AVL9: variants seen among roughly 807,000 people sequenced by gnomAD.
The protein encoded by AVL9 is AVL9 cell migration associated, also known as late secretory pathway protein AVL9 homolog.
AVL9 carries 49 observed loss-of-function variants against 79.2 expected under a neutral mutation model. The ratio of observed to expected loss-of-function variants is 0.62; its 90% CI spans 0.49 to 0.79. The LOEUF (loss-of-function observed/expected upper bound fraction) is 0.79. Ranked by LOEUF, AVL9 falls within the 30% of genes least tolerant of loss-of-function variation. The pLI, the probability that AVL9 is intolerant of heterozygous loss-of-function variation, is 0.00. For synonymous variants in AVL9, 299 were observed against 280.6 expected (o/e 1.07, Z -0.65); for missense variants, 682 against 776.8 (o/e 0.88, Z 1.45).
chr7:32,567,546 C>T (rs564006663), intron 10 of AVL9, among the ~76,000 whole-genome samples: 1 of 152,270 alleles, frequency 6.6e-6, no homozygotes, highest in South Asian at 2.1e-4. Context: ...TGCTATCCAG[C>T]AGCCCTCTCC....
At chr7:32,579,294 ATTATATATATT>A (rs1791245659) in intron 13 of AVL9, among the ~76,000 whole-genome samples, 1 of 65,034 alleles carries the variant, frequency 1.5e-5, no homozygotes, top group East Asian at 4.5e-4. Context: ...ATATATATGT[ATTATATATATT>A]ATATATTATA....
Position 32,543,265 on chromosome 7 carries a change from T to C in AVL9, c.214+4T>C, listed in dbSNP as rs989640654. ...GGCGCACACAACTACCAGGAAGGTA[T>C]GTAACAAGACAGTGAAGCAGTTAGG... On this transcript the variant is annotated splice_donor_region_variant and intron_variant, in intron 2 of 15. Transcript: ENST00000318709. The C allele has an allele frequency of 1.2e-6, 2 of 1,613,590 alleles. No individual in the cohort carries two copies. The highest frequency in any genetic ancestry group is 1.3e-5 in the African/African-American group (1 of 74,914).
chr7:32,500,988 A>G (rs538481456), intron 1 of AVL9, among the ~76,000 whole-genome samples: 1 of 152,330 alleles, frequency 6.6e-6, no homozygotes, highest in East Asian at 1.9e-4. Context: ...AGAAGTATAA[A>G]AGAGCTAGAA....
At chr7:32,517,840 G>GTT (rs200064637) in intron 1 of AVL9, among the ~76,000 whole-genome samples, 10 of 146,220 alleles carry the variant, frequency 6.8e-5, no homozygotes, top group African/African-American at 2.5e-4. Flanking sequence ...GTTTTGTTTT[G>GTT]TTTTTTTTTG....
Position 32,495,645 on chromosome 7 carries a change from G to A in AVL9, c.-65G>A. ...CGAAGTCCGCGGCTTTCCGCACACG[G>A]TGGGGTCGTCAGACCCGCTGCCCTT... is the stretch of plus-strand genomic sequence containing the variant. On this transcript the variant is annotated 5_prime_UTR_variant, in exon 1 of 16. It adds an upstream start codon to the 5' untranslated region. Coordinates refer to ENST00000318709, the MANE Select transcript of AVL9 (RefSeq NM_015060.3). 9.0e-7 allele frequency: 1 copy of A among 1,112,820 alleles called. No homozygotes were observed. The highest frequency in any genetic ancestry group is 3.2e-5 in the East Asian group (1 of 31,080). 68.9% of individuals were successfully genotyped at this position (1,112,820 alleles called of 1,614,324 possible).
At position 32,580,842 on chromosome 7, in the gene AVL9, G is replaced by C. The variant is rs754333751; in HGVS notation, c.1783G>C (p.Val595Leu). 4.2e-5 allele frequency: 67 copies of C among 1,613,704 alleles called. No individual in the cohort carries two copies. The highest frequency in any genetic ancestry group is 5.5e-5 in the Non-Finnish European group (65 of 1,179,918). The change falls in exon 15 of 16, where the codon GTC becomes CTC. Residue 595 changes from valine (V) to leucine (L), a missense_variant. By Grantham distance (32) the Val-to-Leu change is conservative. Transcript: ENST00000318709. ...TGAACGTGGCAAAAAAATTGGAAACGTCATGGTCACAACTAGCCGGAATGT... is the reference window on the plus strand; with the variant it reads ...TGAACGTGGCAAAAAAATTGGAAACCTCATGGTCACAACTAGCCGGAATGT... ...NSERGKKIGNVMVTTSRNVVQ... is the reference protein window; with the variant it reads ...NSERGKKIGNLMVTTSRNVVQ...
intron 1 of AVL9, among the ~76,000 whole-genome samples, chr7:32,514,638 T>C (rs1274940647): frequency 6.6e-6 from 1 of 152,170 alleles, no homozygotes; most frequent in Non-Finnish European, 1.5e-5. Context: ...GAAGTGAAAA[T>C]GGCCGGTCCT....
intron 3 of AVL9, 21 bp from the exon 4 acceptor site, chr7:32,548,826 A>G (rs757816037): frequency 3.3e-6 from 5 of 1,498,818 alleles, no homozygotes; most frequent in South Asian, 1.4e-5. Flanking sequence ...TTTCTGATAA[A>G]TTGCTCTTTG....
intron 1 of AVL9, among the ~76,000 whole-genome samples, chr7:32,540,941 CA>C (rs1789165214): frequency 8.8e-6 from 1 of 114,158 alleles, no homozygotes; most frequent in South Asian, 2.9e-4. Flanking sequence ...CTCTGTCGCC[CA>C]GGCTGGAGTG....
chr7:32,548,789 AT>A, intron 3 of AVL9, 57 bp from the exon 4 acceptor site: 1 of 1,241,682 alleles, frequency 8.1e-7, no homozygotes, highest in Non-Finnish European at 1.1e-6. Flanking sequence ...TGTTGAAAAA[AT>A]ATTTTTGAAA....
chr7:32,557,864 T>TTGTTTG, intron 8 of AVL9, among the ~76,000 whole-genome samples: 1 of 49,288 alleles, frequency 2.0e-5, no homozygotes, highest in African/African-American at 6.1e-5. Flanking sequence ...TTTTTTTTTT[T>TTGTTTG]TTTTTTTTTG....
In AVL9 at chr7:32,587,327, T is replaced by G. The variant is rs1419439430; in HGVS notation, c.*3420T>G. 1 of 152,230 alleles carries G rather than the reference T, an allele frequency of 6.6e-6. No homozygotes were observed. Among genetic ancestry groups the G allele is most frequent in the Non-Finnish European group, 1.5e-5 (1 of 68,042 alleles). 9.4% of individuals were successfully genotyped at this position (152,230 alleles called of 1,614,324 possible). ...AGGGATTAGAATTTTACTCTGCTAG[T>G]TACAAGTTTTAAAGTCACGCTACGG... On this transcript the variant is annotated 3_prime_UTR_variant, in exon 16 of 16. Transcript: ENST00000318709.
intron 10 of AVL9, among the ~76,000 whole-genome samples, chr7:32,569,554 C>T (rs1790732180): frequency 6.6e-6 from 1 of 152,162 alleles, no homozygotes; most frequent in South Asian, 2.1e-4. Context: ...TAACATAGGA[C>T]GGTATAACAA....
At chr7:32,570,747 G>T (rs928942947) in intron 11 of AVL9, among the ~76,000 whole-genome samples, 1 of 151,180 alleles carries the variant, frequency 6.6e-6, no homozygotes, top group Admixed American at 6.6e-5. Context: ...AGCCTCCTGA[G>T]TAGGTTGGAT....
rs748997238 is a variant in AVL9, at chr7:32,559,371, T to C, written c.1122T>C (p.Pro374=). The stretch of plus-strand genomic sequence containing the variant: ...AGAGTCTTCCAATTACTGTACAACC[T>C]CAAGCTAATACGGGACAGGTAGTCC... ...PSESLPITVQ[P]QANTGQVVLI... The change falls in exon 10 of 16, where the codon CCT becomes CCC. Residue 374 remains proline, a synonymous_variant. Coordinates refer to ENST00000318709, the MANE Select transcript of AVL9 (RefSeq NM_015060.3). 5 of 1,614,020 alleles carry C rather than the reference T, an allele frequency of 3.1e-6. No homozygotes were observed. The Admixed American group carries it at 6.7e-5, about 22-fold the overall frequency.
At chr7:32,496,424 A>G (rs1045572360) in intron 1 of AVL9, among the ~76,000 whole-genome samples, 6 of 152,182 alleles carry the variant, frequency 3.9e-5, no homozygotes, top group Admixed American at 3.9e-4. Flanking sequence ...TGAGAGATTA[A>G]TCTCTCCATA....
intron 1 of AVL9, chr7:32,535,844 A>G (rs1399436807): frequency 2.0e-5 from 3 of 152,158 alleles, no homozygotes; most frequent in African/African-American, 7.2e-5. Flanking sequence ...AGGTAATTGG[A>G]TCATGGGGGC....
intron 1 of AVL9, among the ~76,000 whole-genome samples, chr7:32,541,706 C>T (rs1789215612): frequency 6.8e-6 from 1 of 147,058 alleles, no homozygotes. Flanking sequence ...TTATGCCTCA[C>T]CTTCAGTTAA....
chr7:32,503,560 GAA>G (rs70992722), intron 1 of AVL9, among the ~76,000 whole-genome samples: 1 of 123,882 alleles, frequency 8.1e-6, no homozygotes, highest in African/African-American at 3.1e-5. Flanking sequence ...CGTCTCAAGG[GAA>G]AAAAAAAAAA....
Sources: gnomAD v4.1 joint callset for allele counts (sites outside exome capture counted in the v4.1 genomes callset) on GRCh38, gnomAD v4.1.1 for gene constraint, MANE v1.5 for transcripts, NCBI Gene and HGNC (gene_info 2026-07-23, HGNC 2026-07-21) for gene names.